GDF9: variants seen among roughly 807,000 people sequenced by gnomAD.
GDF9 encodes growth differentiation factor 9.
GDF9 carries 30 observed loss-of-function variants against 33.8 expected under a neutral mutation model. That is an observed-to-expected ratio of 0.89 (90% CI 0.66 to 1.20). The LOEUF is 1.20. GDF9 is among the 50% of genes most tolerant of loss of function. The pLI is 0.00. For synonymous variants in GDF9, 205 were observed against 200.7 expected (o/e 1.02, Z -0.18); for missense variants, 556 against 543.7 (o/e 1.02, Z -0.22).
At chr5:132,862,595 C>T in intron 1 of GDF9, 39 bp from the exon 2 acceptor site, 1 of 1,534,142 alleles carries the variant, frequency 6.5e-7, no homozygotes, top group Non-Finnish European at 8.9e-7. Flanking sequence ...GCTTGAAAAT[C>T]AGTCAACACA....
At chr5:132,864,085 G>A in intron 1 of GDF9, 52 bp downstream of exon 1, 4 of 1,559,214 alleles carry the variant, frequency 2.6e-6, no homozygotes, top group Non-Finnish European at 8.8e-7. Context: ...TTGAAATGCA[G>A]AAGTGTCTAT....
rs774413783 is a variant in GDF9, at chr5:132,864,182, T to C, written c.352A>G (p.Thr118Ala). ...SHLYNTVRLF[T>A]PCTRHKQAPG... ...GCCTGCTTGTGCCGGGTACAGGGGG[T>C]GAAGAGCCGAACAGTGTTGTAGAGG... is the stretch of plus-strand genomic sequence containing the variant. Residue 118 changes from threonine to alanine, a missense_variant, in exon 1 of 2, where the codon ACC becomes GCC. Physicochemically the swap from Thr to Ala is moderately conservative, Grantham distance 58 (BLOSUM62 0). Coordinates refer to ENST00000687138, the MANE Select transcript of GDF9 (RefSeq NM_005260.7). 3.1e-6 allele frequency: 5 copies of C among 1,614,158 alleles called. No individual in the cohort carries two copies. In the Admixed American group the frequency reaches 8.3e-5, roughly 27 times the overall value.
At position 132,865,462 on chromosome 5, in the gene GDF9, C is replaced by G. The variant is rs992110730; in HGVS notation, c.-929G>C. On this transcript the variant is annotated 5_prime_UTR_variant, in exon 1 of 2. Coordinates refer to ENST00000687138, the MANE Select transcript of GDF9 (RefSeq NM_005260.7). ...CTGTATTTCTGTTCTTGCCTTGGAG[C>G]TGAGACCAGGCTAGACATTATGGTT... The G allele has an allele frequency of 2.0e-4, 30 of 152,060 alleles. No individual in the cohort carries two copies. Among genetic ancestry groups the G allele is most frequent in the African/African-American group, 7.0e-4 (29 of 41,352 alleles). 9.4% of individuals were successfully genotyped at this position (152,060 alleles called of 1,614,324 possible).
In GDF9 at chr5:132,865,952, G is replaced by C. The variant is rs1277850650; in HGVS notation, c.-1419C>G. Among the ~76,000 whole-genome samples, 1 of 152,162 alleles carries C rather than the reference G, an allele frequency of 6.6e-6. No homozygotes were observed. The highest frequency in any genetic ancestry group is 1.5e-5 in the Non-Finnish European group (1 of 68,028). ...CGCAAACCATCTGGGGAGGACGCTG[G>C]CTGCTGTCGAGGCGGCCTCAGCATT... On this transcript the variant is annotated 5_prime_UTR_variant, in exon 1 of 2. Transcript: ENST00000687138.
At chr5:132,863,176 G>A (rs987279199) in intron 1 of GDF9, among the ~76,000 whole-genome samples, 8 of 152,208 alleles carry the variant, frequency 5.3e-5, no homozygotes, top group Admixed American at 2.6e-4. Context: ...CAGCTGAGCT[G>A]ATAAGGAAAG....
chr5:132,862,270 C>T lies in GDF9; in HGVS notation c.684G>A (p.Lys228=). The change falls in exon 2 of 2, where the codon AAG becomes AAA. Residue 228 remains lysine (K), a synonymous_variant. Transcript: ENST00000687138. Reference sequence around the variant, plus strand: ...AATTTATAGACATGTGAATACTTCTCTTGTTGGAGGCCACTAAAGGTTGAA... The same window carrying T: ...AATTTATAGACATGTGAATACTTCTTTTGTTGGAGGCCACTAAAGGTTGAA... ...SLLQPLVASN[K]RSIHMSINFT... 1 of 1,613,946 alleles carries T rather than the reference C, an allele frequency of 6.2e-7. No individual in the cohort carries two copies. The highest frequency in any genetic ancestry group is 1.1e-5 in the South Asian group (1 of 91,084).
upstream of GDF9, chr5:132,866,551 G>A: frequency 2.6e-6 from 1 of 380,824 alleles, no homozygotes; most frequent in Non-Finnish European, 4.9e-6. Flanking sequence ...TGGGACAAAG[G>A]CGTCATCCCT....
At position 132,861,976 on chromosome 5, in the gene GDF9, A is replaced by T; in HGVS notation, c.978T>A (p.Ser326=). ...RHRRGQETVS[S]ELKKPLGPAS... is the part of the protein sequence containing the mutation. ...CTGGGCCCAAGGGCTTCTTCAATTCAGAACTGACAGTTTCCTGACCTCTGC... is the reference window on the plus strand; with the variant it reads ...CTGGGCCCAAGGGCTTCTTCAATTCTGAACTGACAGTTTCCTGACCTCTGC... The change falls in exon 2 of 2, where the codon TCT becomes TCA. Residue 326 remains serine (S), a synonymous_variant. Transcript: ENST00000687138. 1 of 1,614,156 alleles carries T rather than the reference A, an allele frequency of 6.2e-7. No individual in the cohort carries two copies. The highest frequency in any genetic ancestry group is 8.5e-7 in the Non-Finnish European group (1 of 1,179,990).
chr5:132,861,186 G>A lies in GDF9; in HGVS notation c.*403C>T. 1 of 179,954 alleles carries A rather than the reference G, an allele frequency of 5.6e-6. No homozygotes were observed. 11.1% of individuals were successfully genotyped at this position (179,954 alleles called of 1,614,324 possible). ...TTAATAAAACACACACAAAATTTAT[G>A]CCATTGACAGAAATTTATTCTTCTA... On this transcript the variant is annotated 3_prime_UTR_variant, in exon 2 of 2. Transcript: ENST00000687138.
rs1253177194 is a variant in GDF9, at chr5:132,861,928, G to A, written c.1026C>T (p.Tyr342=). Residue 342 remains tyrosine (Y), a synonymous_variant, in exon 2 of 2, where the codon TAC becomes TAT. Coordinates refer to ENST00000687138, the MANE Select transcript of GDF9 (RefSeq NM_005260.7). ...LGPASFNLSE[Y]FRQFLLPQNE... ...TTTGGGGAAGAAGAAATTGTCTGAA[G>A]TATTCACTCAGATTGAAGGAAGCTG... is the stretch of plus-strand genomic sequence containing the variant. 3.7e-6 allele frequency: 6 copies of A among 1,613,746 alleles called. No individual in the cohort carries two copies. The highest frequency in any genetic ancestry group is 5.1e-6 in the Non-Finnish European group (6 of 1,179,614).
chr5:132,866,391 TGAG>T lies in GDF9; in HGVS notation c.-1861_-1859del, dbSNP rs1340803797. 1 of 162,816 alleles carries T rather than the reference TGAG, an allele frequency of 6.1e-6. No individual in the cohort carries two copies. Among genetic ancestry groups the T allele is most frequent in the Non-Finnish European group, 1.4e-5 (1 of 73,988 alleles). The allele number at this position is 162,816 out of a possible 1,614,324, so 10.1% of individuals were successfully genotyped here. A position where few individuals can be genotyped will look rare whatever the true frequency, so the allele number is the denominator to read the frequency against. ...GGGATTCCACAGAAAAGCCGAGGGC[TGAG>T]GAGAAGTGTGAGCGCCTCCGCCTGT... On this transcript the variant is annotated 5_prime_UTR_variant, in exon 1 of 2. Coordinates refer to ENST00000687138, the MANE Select transcript of GDF9 (RefSeq NM_005260.7).
chr5:132,862,438 G>A lies in GDF9; in HGVS notation c.516C>T (p.Val172=). The part of the protein sequence containing the change: ...INNSVSFSSA[V]KCVCNLMIKE... ...TTATCATTAGATTGCACACACATTT[G>A]ACAGCAGAGGAAAAAGAAACTGAGT... The change falls in exon 2 of 2, where the codon GTC becomes GTT. Residue 172 remains valine, a synonymous_variant. Coordinates refer to ENST00000687138, the MANE Select transcript of GDF9 (RefSeq NM_005260.7). 2 of 1,614,084 alleles carry A rather than the reference G, an allele frequency of 1.2e-6. No homozygotes were observed. The highest frequency in any genetic ancestry group is 2.2e-5 in the East Asian group (1 of 44,882).
rs201689119 is a variant in GDF9 at position 132,864,425 on chromosome 5, T to C, written c.109A>G (p.Ser37Gly). Residue 37 changes from serine (S) to glycine (G), a missense_variant, in exon 1 of 2, where the codon AGT (serine) becomes GGT (glycine). Coordinates refer to ENST00000687138, the MANE Select transcript of GDF9 (RefSeq NM_005260.7). ...ASGGEAQIAA[S>G]AELESGAMPW... ...ATAGCCCCAGATTCCAACTCAGCAC[T>C]AGCAGCAATCTGAGCTTCTCCCCCA... The C allele has an allele frequency of 6.1e-5, 99 of 1,613,758 alleles. No homozygotes were observed. The highest frequency in any genetic ancestry group is 3.4e-4 in the South Asian group (31 of 91,042).
intron 1 of GDF9, 124 bp from the exon 2 acceptor site, chr5:132,862,680 T>TA: frequency 5.4e-6 from 4 of 736,490 alleles, no homozygotes; most frequent in Admixed American, 2.7e-5. Flanking sequence ...TTCTCAAGCC[T>TA]CAAAAAAAAA....
rs771927911 is a variant in GDF9 at position 132,864,296 on chromosome 5, G to A, written c.238C>T (p.Gln80Ter). Reference sequence around the variant, plus strand: ...TAGTGCAAAGCTCTGGAGTCTGGCTGCAGCCTAGGTGACCCACCTCGCCCA... The same window carrying A: ...TAGTGCAAAGCTCTGGAGTCTGGCTACAGCCTAGGTGACCCACCTCGCCCA... ...SVGRGGSPRL[Q>*]PDSRALHYMK... Residue 80 changes from glutamine (Q) to a stop codon, truncating the protein, a stop_gained, in exon 1 of 2, where the codon CAG becomes TAG. Transcript: ENST00000687138. LOFTEE classifies it high-confidence loss of function. 6.2e-7 allele frequency: 1 copy of A among 1,614,110 alleles called. No homozygotes were observed.
chr5:132,864,707 A>G lies in GDF9; in HGVS notation c.-174T>C. 1.6e-6 allele frequency: 1 copy of G among 621,918 alleles called. No individual in the cohort carries two copies. Among genetic ancestry groups the G allele is most frequent in the Non-Finnish European group, 2.8e-6 (1 of 354,392 alleles). 38.5% of individuals were successfully genotyped at this position (621,918 alleles called of 1,614,324 possible). A position where few individuals can be genotyped will look rare whatever the true frequency, so the allele number is the denominator to read the frequency against. On this transcript the variant is annotated 5_prime_UTR_variant, in exon 1 of 2. Coordinates refer to ENST00000687138, the MANE Select transcript of GDF9 (RefSeq NM_005260.7). ...TGAAGATTTTATCAGCTCTATATCAAGCAGCTGATAACACCTTATTTAGCC... is the reference window on the plus strand; with the variant it reads ...TGAAGATTTTATCAGCTCTATATCAGGCAGCTGATAACACCTTATTTAGCC...
At position 132,864,313 on chromosome 5, in the gene GDF9, C is replaced by T; in HGVS notation, c.221G>A (p.Gly74Asp). The change falls in exon 1 of 2, where the codon GGT (glycine) becomes GAT (aspartate). Residue 74 changes from glycine to aspartate, a missense_variant. Transcript: ENST00000687138. ...GTCTGGCTGCAGCCTAGGTGACCCA[C>T]CTCGCCCAACAGATAGAACTTTGAA... ...ALFKVLSVGRGGSPRLQPDSR... is the reference protein window; with the variant it reads ...ALFKVLSVGRDGSPRLQPDSR... 1.9e-6 allele frequency: 3 copies of T among 1,614,230 alleles called. No individual in the cohort carries two copies. The highest frequency in any genetic ancestry group is 1.7e-6 in the Non-Finnish European group (2 of 1,180,044).
intron 1 of GDF9, 88 bp from the exon 2 acceptor site, chr5:132,862,644 G>A: frequency 1.0e-6 from 1 of 962,648 alleles, no homozygotes; most frequent in East Asian, 2.5e-5. Flanking sequence ...TTCATAATAT[G>A]CTTTCTCCCT....
intron 1 of GDF9, 98 bp from the exon 2 acceptor site, chr5:132,862,654 T>G (rs1007536517): frequency 3.8e-5 from 34 of 906,424 alleles, no homozygotes; most frequent in Non-Finnish European, 5.5e-5. Flanking sequence ...GCTTTCTCCC[T>G]TCTCTTTTCC....
Sources: allele counts gnomAD v4.1 joint callset (sites outside exome capture counted in the v4.1 genomes callset), GRCh38; gene constraint gnomAD v4.1.1; transcripts MANE v1.5; gene names NCBI Gene and HGNC (gene_info 2026-07-23, HGNC 2026-07-21).